Variants in SSH2 observed in about 807,000 individuals in gnomAD.
SSH2 encodes protein phosphatase Slingshot homolog 2.
Under a neutral mutation model 135.2 loss-of-function variants are expected in SSH2, and 37 were observed. The observed-to-expected ratio is 0.27, with a 90% CI of 0.21 to 0.36. The LOEUF (loss-of-function observed/expected upper bound fraction) is 0.36, where lower values mean the gene tolerates loss of function less well. SSH2 is among the 10% of genes least tolerant of loss of function. SSH2 has a pLI of 1.00. For synonymous variants in SSH2, 628 were observed against 646.2 expected (o/e 0.97, Z 0.43); for missense variants, 1,408 against 1,765.3 (o/e 0.80, Z 3.63).
chr17:29,632,163 G>A lies in SSH2; in HGVS notation c.3031C>T (p.Leu1011=), dbSNP rs1428023438. 12 of 1,613,904 alleles carry A rather than the reference G, an allele frequency of 7.4e-6. No homozygotes were observed. Among genetic ancestry groups the A allele is most frequent in the African/African-American group, 1.3e-5 (1 of 74,896 alleles). ...SDTGTQQEGV[L]KDLRTVIPYQ... is the part of the protein sequence containing the mutation. Reference sequence around the variant, plus strand: ...GGAATCACAGTCCTCAGATCCTTCAGGACTCCTTCCTGCTGTGTTCCAGTA... The same window carrying A: ...GGAATCACAGTCCTCAGATCCTTCAAGACTCCTTCCTGCTGTGTTCCAGTA... The change falls in exon 16 of 16, where the codon CTG becomes TTG. Residue 1011 remains leucine (L), a synonymous_variant. Coordinates refer to ENST00000540801, the MANE Select transcript of SSH2 (RefSeq NM_001282129.2).
chr17:29,829,872 C>T (rs2042811827), intron 2 of SSH2, among the ~76,000 whole-genome samples: 1 of 146,902 alleles, frequency 6.8e-6, no homozygotes, highest in Non-Finnish European at 1.5e-5. Context: ...CAGAGTCTCG[C>T]TCTATCGCCC....
At chr17:29,694,827 A>G (rs1308257648) in intron 5 of SSH2, among the ~76,000 whole-genome samples, 1 of 152,162 alleles carries the variant, frequency 6.6e-6, no homozygotes, top group Non-Finnish European at 1.5e-5. Context: ...CACTAAATCC[A>G]TATTTGCCTG....
chr17:29,880,854 T>G (rs1361777717), intron 1 of SSH2, among the ~76,000 whole-genome samples: 1 of 152,210 alleles, frequency 6.6e-6, no homozygotes, highest in Non-Finnish European at 1.5e-5. Context: ...CAAAGATAAA[T>G]GAATTTGCTC....
At chr17:29,634,241 A>G (rs2035801423) in intron 15 of SSH2, among the ~76,000 whole-genome samples, 1 of 152,204 alleles carries the variant, frequency 6.6e-6, no homozygotes, top group Non-Finnish European at 1.5e-5. Flanking sequence ...TAACGGACAA[A>G]GCGGTAAATA....
At chr17:29,715,925 C>G (rs1437976343) in intron 3 of SSH2, among the ~76,000 whole-genome samples, 1 of 152,162 alleles carries the variant, frequency 6.6e-6, no homozygotes, top group African/African-American at 2.4e-5. Flanking sequence ...CACTGTTATT[C>G]CAAACCCTCT....
chr17:29,908,458 C>T (rs906327274), intron 1 of SSH2, among the ~76,000 whole-genome samples: 20 of 151,960 alleles, frequency 1.3e-4, no homozygotes, highest in African/African-American at 4.6e-4. Flanking sequence ...GAGGAAGACC[C>T]TGTCTCTTAA....
At chr17:29,663,788 C>G (rs978612589) in intron 11 of SSH2, among the ~76,000 whole-genome samples, 19 of 152,144 alleles carry the variant, frequency 1.2e-4, no homozygotes, top group African/African-American at 4.6e-4. Context: ...ATCCATATAA[C>G]GTACAACACC....
intron 3 of SSH2, chr17:29,761,300 C>A: frequency 1.6e-6 from 2 of 1,273,890 alleles, no homozygotes; most frequent in Non-Finnish European, 2.0e-6. Context: ...AAGTGCACAA[C>A]TCCGCATCCT....
chr17:29,751,574 G>C (rs1423577401), intron 3 of SSH2, among the ~76,000 whole-genome samples: 2 of 152,024 alleles, frequency 1.3e-5, no homozygotes, highest in Non-Finnish European at 2.9e-5. Flanking sequence ...CAACAATGCA[G>C]GTTTGTTTGC....
chr17:29,629,624 T>G lies in SSH2; in HGVS notation c.*1217A>C, dbSNP rs1413858246. On this transcript the variant is annotated 3_prime_UTR_variant, in exon 16 of 16. Coordinates refer to ENST00000540801, the MANE Select transcript of SSH2 (RefSeq NM_001282129.2). Reference sequence around the variant, plus strand: ...AATAAATCAAAATTACCCTACAACATGAACAAGACACTAAGACAGTGACAA... The same window carrying G: ...AATAAATCAAAATTACCCTACAACAGGAACAAGACACTAAGACAGTGACAA... 1.3e-5 allele frequency: 2 copies of G among 152,412 alleles called. No individual in the cohort carries two copies. The highest frequency in any genetic ancestry group is 2.4e-5 in the African/African-American group (1 of 41,366). The allele number at this position is 152,412 out of a possible 1,614,324, so 9.4% of individuals were successfully genotyped here.
intron 1 of SSH2, 98 bp downstream of exon 1, chr17:29,929,840 G>T: frequency 8.4e-7 from 1 of 1,185,444 alleles, no homozygotes; most frequent in Non-Finnish European, 1.2e-6. Context: ...CCTGGGAAGC[G>T]GCGCGGCGCG....
rs2040617927 is a variant in SSH2 at position 29,742,894 on chromosome 17, C to CA, written c.189-39833dup. Among the ~76,000 whole-genome samples the CA allele has an allele frequency of 1.3e-5, 2 of 152,054 alleles. 1 individual carries two copies. Among genetic ancestry groups the CA allele is most frequent in the South Asian group, 4.1e-4 (2 of 4,830 alleles). The stretch of plus-strand genomic sequence containing the variant: ...AAGTGATCCGCCGACCTCAGCCTCC[C>CA]AAAGTTCTGGGATTACAGGCGTGAG... On this transcript the variant is annotated intron_variant, in intron 3 of 15. Transcript: ENST00000540801.
At chr17:29,788,917 A>G (rs2042016900) in intron 3 of SSH2, among the ~76,000 whole-genome samples, 2 of 152,342 alleles carry the variant, frequency 1.3e-5, no homozygotes, top group Middle Eastern at 3.4e-3. Context: ...TAGAGAATAC[A>G]TAAAGAACCA....
intron 1 of SSH2, among the ~76,000 whole-genome samples, chr17:29,887,880 T>G (rs1024088255): frequency 2.0e-5 from 3 of 152,220 alleles, no homozygotes; most frequent in Admixed American, 6.5e-5. Flanking sequence ...TTATAAAAAC[T>G]AAGATGACCT....
At position 29,791,235 on chromosome 17, in the gene SSH2, C is replaced by T. The variant is rs374992317; in HGVS notation, c.188+2659G>A. Among the ~76,000 whole-genome samples, 65 of 152,088 alleles carry T rather than the reference C, an allele frequency of 4.3e-4. 1 individual carries two copies. The South Asian group carries it at 0.013, about 31-fold the overall frequency. On this transcript the variant is annotated intron_variant, in intron 3 of 15. Transcript: ENST00000540801. Reference sequence around the variant, plus strand: ...TGAGTAGCTGGACTACAGGCATGCACCACCACACCCGGCTAATTTTTTGTA... The same window carrying T: ...TGAGTAGCTGGACTACAGGCATGCATCACCACACCCGGCTAATTTTTTGTA...
chr17:29,803,348 A>G (rs2042284236), intron 2 of SSH2, among the ~76,000 whole-genome samples: 1 of 152,182 alleles, frequency 6.6e-6, no homozygotes, highest in Non-Finnish European at 1.5e-5. Context: ...CTTCATTCAC[A>G]TGTCTAATGT....
At chr17:29,667,335 T>C (rs1426290438) in intron 9 of SSH2, 112 bp from the exon 10 acceptor site, 3 of 840,680 alleles carry the variant, frequency 3.6e-6, no homozygotes, top group South Asian at 3.6e-5. Context: ...CAAATCCTTT[T>C]CCAAAATCGG....
In SSH2 at chr17:29,687,534, T is replaced by C. The variant is rs147333960; in HGVS notation, c.358-2850A>G. On this transcript the variant is annotated intron_variant, in intron 5 of 15. Transcript: ENST00000540801. ...AAGGCTGGGATCAAGGGTGGGATAT[T>C]ATACACACAGAAAAATGAATAAATA... Among the ~76,000 whole-genome samples, 40 of 152,266 alleles carry C rather than the reference T, an allele frequency of 2.6e-4. No individual in the cohort carries two copies. In the East Asian group the frequency reaches 7.7e-3, roughly 29 times the overall value.
At chr17:29,775,845 G>A (rs535926352) in intron 3 of SSH2, 1 of 151,862 alleles carries the variant, frequency 6.6e-6, no homozygotes, top group African/African-American at 2.4e-5. Context: ...TTCTTCAAAT[G>A]CTTCAAATAC....
Sources: allele counts gnomAD v4.1 joint callset (sites outside exome capture counted in the v4.1 genomes callset), GRCh38; gene constraint gnomAD v4.1.1; transcripts MANE v1.5; gene names NCBI Gene and HGNC (gene_info 2026-07-23, HGNC 2026-07-21).